The following PEX11B variants were observed in gnomAD, a reference collection of about 807,000 sequenced individuals.
PEX11B encodes peroxisomal biogenesis factor 11 beta, also known as peroxisomal membrane protein 11B.
A neutral mutation model predicts 28.2 loss-of-function variants in PEX11B; 18 were observed. The observed-to-expected ratio is 0.64, with a 90% CI of 0.44 to 0.95. The LOEUF (loss-of-function observed/expected upper bound fraction) is 0.95. Ranked by LOEUF, PEX11B falls within the 40% of genes least tolerant of loss-of-function variation. The pLI, the probability that PEX11B is intolerant of heterozygous loss-of-function variation, is 0.00. For synonymous variants in PEX11B, 128 were observed against 128.7 expected (o/e 0.99, Z 0.04); for missense variants, 305 against 319.8 (o/e 0.95, Z 0.35).
intron 3 of PEX11B, among the ~76,000 whole-genome samples, chr1:145,915,954 CA>C (rs1466876988): frequency 6.6e-6 from 1 of 152,134 alleles, no homozygotes; most frequent in Non-Finnish European, 1.5e-5. Flanking sequence ...TTCAACATCT[CA>C]AAAAGAGATG....
At chr1:145,918,078 G>A in intron 1 of PEX11B, 1 of 985,344 alleles carries the variant, frequency 1.0e-6, no homozygotes, top group Non-Finnish European at 1.2e-6. Flanking sequence ...GAAGGGGCCA[G>A]TGCAGGCCGC....
Position 145,918,441 on chromosome 1 carries a change from C to G in PEX11B, c.56+192G>C, listed in dbSNP as rs1553754301. ...GCTGGCCCACTCATGCCTCAGTTTC[C>G]CCATCTCTTCCGCGAACGGAAAGGA... On this transcript the variant is annotated intron_variant, in intron 1 of 3. Transcript: ENST00000369306. 3 of 1,536,100 alleles carry G rather than the reference C, an allele frequency of 2.0e-6. No homozygotes were observed. The Admixed American group carries it at 5.9e-5, about 30-fold the overall frequency.
chr1:145,916,777 G>T (rs200846936), intron 3 of PEX11B, 40 bp downstream of exon 3: 3 of 1,401,112 alleles, frequency 2.1e-6, no homozygotes, highest in Non-Finnish European at 3.0e-6. Flanking sequence ...CAATATAGAG[G>T]CTACAAAAAA....
At chr1:145,918,593 T>TAC in intron 1 of PEX11B, 40 bp downstream of exon 1, 1 of 1,532,044 alleles carries the variant, frequency 6.5e-7, no homozygotes, top group Non-Finnish European at 8.9e-7. Flanking sequence ...CCTCTGTCCA[T>TAC]CCCTCCCCCG....
At chr1:145,918,277 G>C in intron 1 of PEX11B, 2 of 985,472 alleles carry the variant, frequency 2.0e-6, no homozygotes, top group Non-Finnish European at 2.4e-6. Flanking sequence ...GTGGGGACAC[G>C]GAAACTGGGA....
rs371231782 is a variant in PEX11B at position 145,918,683 on chromosome 1, G to A, written c.6C>T (p.Asp2=). 1.2e-4 allele frequency: 190 copies of A among 1,576,546 alleles called. No individual in the cohort carries two copies. Among genetic ancestry groups the A allele is most frequent in the South Asian group, 1.5e-4 (13 of 86,290 alleles). The part of the protein sequence containing the change: M[D]AWVRFSAQSQ... ...TCTGAGCACTGAAGCGGACCCAGGC[G>A]TCCATGACAGCCGCAGCCCAGGCTC... is the stretch of plus-strand genomic sequence containing the variant. Residue 2 remains aspartate (D), a synonymous_variant, in exon 1 of 4, where the codon GAC becomes GAT. Transcript: ENST00000369306.
At position 145,918,364 on chromosome 1, in the gene PEX11B, G is replaced by A. The variant is rs587691055; in HGVS notation, c.56+269C>T. The A allele has an allele frequency of 2.3e-5, 35 of 1,531,662 alleles. No homozygotes were observed. The African/African-American group carries it at 4.6e-4, about 20-fold the overall frequency. The allele number at this position is 1,531,662 out of a possible 1,614,324, so 94.9% of individuals were successfully genotyped here. ...ATGCTCCTCATTCCATCACCGCCCA[G>A]TGAGGACACTGTCGGTCTTATGTGG... On this transcript the variant is annotated intron_variant, in intron 1 of 3. Transcript: ENST00000369306.
At chr1:145,917,139 A>C (rs1270658253) in intron 2 of PEX11B, 121 bp from the exon 3 acceptor site, 1 of 694,994 alleles carries the variant, frequency 1.4e-6, no homozygotes, top group Non-Finnish European at 2.6e-6. Context: ...TTTTTTAAAG[A>C]GCAGAAACAG....
chr1:145,913,202 T>C (rs183295218), intron 3 of PEX11B, among the ~76,000 whole-genome samples: 4 of 152,220 alleles, frequency 2.6e-5, no homozygotes, highest in Non-Finnish European at 5.9e-5. Context: ...GTTTCAGTTA[T>C]GCAAGATGAG....
At position 145,916,814 on chromosome 1, in the gene PEX11B, A is replaced by T; in HGVS notation, c.374+3T>A. The T allele has an allele frequency of 6.2e-7, 1 of 1,611,268 alleles. No homozygotes were observed. Among genetic ancestry groups the T allele is most frequent in the Non-Finnish European group, 8.5e-7 (1 of 1,177,558 alleles). On this transcript the variant is annotated splice_donor_region_variant and intron_variant, in intron 3 of 3. Coordinates refer to ENST00000369306, the MANE Select transcript of PEX11B (RefSeq NM_003846.3). ...AATCTTAAAGGAGAACAGGATATCA[A>T]ACCTGAATGAACGCTGGGCCCACTT... is the stretch of plus-strand genomic sequence containing the variant.
chr1:145,918,182 G>C, intron 1 of PEX11B: 1 of 985,388 alleles, frequency 1.0e-6, no homozygotes. Flanking sequence ...CAGAATAGGT[G>C]AACTGAGAGA....
At chr1:145,913,367 T>G (rs1657891708) in intron 3 of PEX11B, among the ~76,000 whole-genome samples, 1 of 152,194 alleles carries the variant, frequency 6.6e-6, no homozygotes, top group Admixed American at 6.5e-5. Flanking sequence ...TTAGCTTGAC[T>G]GTGGTGATCA....
In PEX11B at chr1:145,912,236, C is replaced by A; in HGVS notation, c.705G>T (p.Val235=). ...LGLWRCGPGI[V]GLCGLVSSIL... is the part of the protein sequence containing the mutation. ...TGGAGGACACGAGGCCACAAAGCCC[C>A]ACAATCCCAGGGCCACAGCGCCAGA... The change falls in exon 4 of 4, where the codon GTG becomes GTT. Residue 235 remains valine, a synonymous_variant. Transcript: ENST00000369306. The A allele has an allele frequency of 6.2e-7, 1 of 1,614,010 alleles. No individual in the cohort carries two copies. Among genetic ancestry groups the A allele is most frequent in the Non-Finnish European group, 8.5e-7 (1 of 1,179,964 alleles).
chr1:145,917,489 A>C lies in PEX11B; in HGVS notation c.172+212T>G, dbSNP rs587734586. 3.3e-5 allele frequency among the ~76,000 whole-genome samples: 5 copies of C among 152,292 alleles called. No homozygotes were observed. The East Asian group carries it at 5.8e-4, about 18-fold the overall frequency. ...CAATTTCAAATTTAATTTTTGTGCC[A>C]GTTTAGTTTTCTCAAACTTGACCCA... On this transcript the variant is annotated intron_variant, in intron 2 of 3. Transcript: ENST00000369306.
rs1437515910 is a variant in PEX11B, at chr1:145,918,523, C to T, written c.56+110G>A. 2.0e-5 allele frequency: 31 copies of T among 1,541,088 alleles called. No individual in the cohort carries two copies. In the East Asian group the frequency reaches 6.3e-4, roughly 32 times the overall value. ...CACGGTCCGTTCGGGCCCCCGTAGC[C>T]GGAGTTGACCCTTCTTGACCCCCCT... is the stretch of plus-strand genomic sequence containing the variant. On this transcript the variant is annotated intron_variant, in intron 1 of 3. Coordinates refer to ENST00000369306, the MANE Select transcript of PEX11B (RefSeq NM_003846.3).
chr1:145,917,624 AG>A, intron 2 of PEX11B, 76 bp downstream of exon 2: 1 of 826,582 alleles, frequency 1.2e-6, no homozygotes, highest in Non-Finnish European at 2.1e-6. Flanking sequence ...GAGAGGGTAC[AG>A]GAAGGAGGGA....
rs782357499 is a variant in PEX11B at position 145,912,521 on chromosome 1, A to G, written c.420T>C (p.Tyr140=). Residue 140 remains tyrosine (Y), a synonymous_variant, in exon 4 of 4, where the codon TAT becomes TAC. Coordinates refer to ENST00000369306, the MANE Select transcript of PEX11B (RefSeq NM_003846.3). ...CTTGCTCCATCAGTAGGCGAATCTC[A>G]TAAGCATCACGGCTCAAATTCATGA... The part of the protein sequence containing the change: ...SLIMNLSRDA[Y]EIRLLMEQES... 4.1e-6 allele frequency: 6 copies of G among 1,479,320 alleles called. No individual in the cohort carries two copies. Among genetic ancestry groups the G allele is most frequent in the Non-Finnish European group, 5.4e-6 (6 of 1,108,822 alleles). 91.6% of individuals were successfully genotyped at this position (1,479,320 alleles called of 1,614,324 possible).
In PEX11B at chr1:145,918,576, G is replaced by A. The variant is rs1416736944; in HGVS notation, c.56+57C>T. 3 of 1,564,104 alleles carry A rather than the reference G, an allele frequency of 1.9e-6. No individual in the cohort carries two copies. In the Admixed American group the frequency reaches 5.8e-5, roughly 30 times the overall value. On this transcript the variant is annotated intron_variant, in intron 1 of 3. Coordinates refer to ENST00000369306, the MANE Select transcript of PEX11B (RefSeq NM_003846.3). ...AGCCTAAACTGACTTCGCCTCACTA[G>A]AGTCTTCCTCTGTCCATCCCTCCCC...
intron 3 of PEX11B, among the ~76,000 whole-genome samples, chr1:145,916,401 T>A (rs1177442726): frequency 1.3e-5 from 2 of 152,190 alleles, no homozygotes; most frequent in Non-Finnish European, 2.9e-5. Context: ...TGAGAAGTTA[T>A]TCATTGTAGT....
Sources: allele counts gnomAD v4.1 joint callset (sites outside exome capture counted in the v4.1 genomes callset), GRCh38; gene constraint gnomAD v4.1.1; transcripts MANE v1.5; gene names NCBI Gene and HGNC (gene_info 2026-07-23, HGNC 2026-07-21).